Variants in ZNF727 observed in about 807,000 individuals in gnomAD.
ZNF727 encodes the protein putative zinc finger protein 727.
Under a neutral mutation model 11.5 loss-of-function variants are expected in ZNF727, and 11 were observed. The observed-to-expected ratio is 0.95, with a 90% CI of 0.60 to 1.58. The LOEUF is 1.58. Ranked by LOEUF, ZNF727 falls within the 40% of genes most tolerant of loss-of-function variation. The pLI is 0.00. For synonymous variants in ZNF727, 171 were observed against 196.1 expected, an observed-to-expected ratio of 0.87 and a Z score of 1.07; for missense variants, 533 against 581.7, an observed-to-expected ratio of 0.92 and a Z score of 0.86.
chr7:64,057,418 G>A (rs1341632317), intron 1 of ZNF727, among the ~76,000 whole-genome samples: 1 of 152,172 alleles, frequency 6.6e-6, no homozygotes, highest in Non-Finnish European at 1.5e-5. Context: ...GACATGGATG[G>A]AGCTGGAAGC....
Position 64,077,326 on chromosome 7 carries a change from G to T in ZNF727, c.277G>T (p.Asp93Tyr), listed in dbSNP as rs375815259. The T allele has an allele frequency of 7.7e-6, 12 of 1,549,866 alleles. No homozygotes were observed. The highest frequency in any genetic ancestry group is 9.6e-6 in the Non-Finnish European group (11 of 1,146,522). The change falls in exon 4 of 4, where the codon GAT becomes TAT. Residue 93 changes from aspartate to tyrosine, a missense_variant. By Grantham distance (160) the Asp-to-Tyr change is radical. Transcript: ENST00000456806. ...AEILLEHDIN[D>Y]SFQKVILRKS... ...GATATTGCTGGAGCACGACATAAAC[G>T]ATTCATTTCAAAAAGTGATCCTGAG...
Position 64,045,490 on chromosome 7 carries a change from A to C in ZNF727, c.-132A>C. On this transcript the variant is annotated 5_prime_UTR_variant, in exon 1 of 4. Transcript: ENST00000456806. ...CTAGCTTCTAGGCTCTGAGTCCAGT[A>C]CCCGTCTGTACTATTCCATCTCTTC... is the stretch of plus-strand genomic sequence containing the variant. 6 of 1,252,504 alleles carry C rather than the reference A, an allele frequency of 4.8e-6. No homozygotes were observed. Among genetic ancestry groups the C allele is most frequent in the Non-Finnish European group, 6.9e-6 (6 of 875,702 alleles). The allele number at this position is 1,252,504 out of a possible 1,614,324, so 77.6% of individuals were successfully genotyped here. A position where few individuals can be genotyped will look rare whatever the true frequency, so the allele number is the denominator to read the frequency against.
At chr7:64,051,927 T>C (rs561376891) in intron 1 of ZNF727, among the ~76,000 whole-genome samples, 1 of 152,330 alleles carries the variant, frequency 6.6e-6, no homozygotes, top group East Asian at 1.9e-4. Context: ...ATTTTTGTCA[T>C]TGCATTTTGG....
At chr7:64,059,842 G>A (rs562856182) in intron 1 of ZNF727, among the ~76,000 whole-genome samples, 1 of 152,274 alleles carries the variant, frequency 6.6e-6, no homozygotes, top group East Asian at 1.9e-4. Context: ...ATTTTTATAT[G>A]TAAATTTGTT....
intron 1 of ZNF727, among the ~76,000 whole-genome samples, chr7:64,057,622 G>T (rs1303364342): frequency 6.6e-6 from 1 of 152,032 alleles, no homozygotes; most frequent in South Asian, 2.1e-4. Flanking sequence ...GTGATGGGTT[G>T]ATCTATGCAG....
Position 64,078,889 on chromosome 7 carries a change from T to C in ZNF727, c.*340T>C, listed in dbSNP as rs1291072964. On this transcript the variant is annotated 3_prime_UTR_variant, in exon 4 of 4. Transcript: ENST00000456806. ...TTGCTAAACATAAGATAATTCATAT[T>C]GGAGAGAAACCCTACAAATGTAATG... Among the ~76,000 whole-genome samples the C allele has an allele frequency of 1.3e-5, 2 of 152,082 alleles. No individual in the cohort carries two copies. Among genetic ancestry groups the C allele is most frequent in the African/African-American group, 4.8e-5 (2 of 41,408 alleles).
chr7:64,077,544 A>G lies in ZNF727; in HGVS notation c.495A>G (p.Lys165=), dbSNP rs779990998. The part of the protein sequence containing the change: ...GLCSIFTEHK[K]IFSREKCYKC... ...GCTCAATCTTCACTGAACATAAGAA[A>G]ATTTTTAGCAGAGAGAAATGCTACA... Residue 165 remains lysine (K), a synonymous_variant, in exon 4 of 4, where the codon AAA becomes AAG. Coordinates refer to ENST00000456806, the MANE Select transcript of ZNF727 (RefSeq NM_001159522.3). 3.9e-6 allele frequency: 6 copies of G among 1,551,266 alleles called. No individual in the cohort carries two copies. In the Admixed American group the frequency reaches 5.9e-5, roughly 15 times the overall value.
Position 64,077,852 on chromosome 7 carries a change from G to A in ZNF727, c.803G>A (p.Cys268Tyr), listed in dbSNP as rs774193383. 1.3e-6 allele frequency: 2 copies of A among 1,565,234 alleles called. No individual in the cohort carries two copies. The highest frequency in any genetic ancestry group is 1.7e-6 in the Non-Finnish European group (2 of 1,154,740). Reference sequence around the variant, plus strand: ...GAATGTCACAAAGCCTTTAGGTGTTGCTCAGACCTTACTAAACATAAGAGA... The same window carrying A: ...GAATGTCACAAAGCCTTTAGGTGTTACTCAGACCTTACTAAACATAAGAGA... ...CEECHKAFRC[C>Y]SDLTKHKRIH... Residue 268 changes from cysteine (C) to tyrosine (Y), a missense_variant, in exon 4 of 4, where the codon TGC becomes TAC. This residue lies in a region of ZNF727 where 463 missense variants were observed against 494.5 expected (regional missense o/e 0.94). Transcript: ENST00000456806.
intron 1 of ZNF727, among the ~76,000 whole-genome samples, chr7:64,055,416 CA>C (rs33991395): frequency 2.3e-4 from 34 of 147,480 alleles, no homozygotes; most frequent in Non-Finnish European, 1.5e-4. Flanking sequence ...GACTTCATCT[CA>C]AAAAAAAAAA....
rs1403220696 is a variant in ZNF727, at chr7:64,080,114, T to C, written c.*1565T>C. On this transcript the variant is annotated 3_prime_UTR_variant, in exon 4 of 4. Transcript: ENST00000456806. ...TTTCTCTCATTTTGACCTTGGAGAATCTCATGATTATGTATCTTGGGGATG... is the reference window on the plus strand; with the variant it reads ...TTTCTCTCATTTTGACCTTGGAGAACCTCATGATTATGTATCTTGGGGATG... 1.3e-5 allele frequency among the ~76,000 whole-genome samples: 2 copies of C among 152,136 alleles called. No individual in the cohort carries two copies. Among genetic ancestry groups the C allele is most frequent in the Non-Finnish European group, 2.9e-5 (2 of 68,030 alleles).
chr7:64,061,199 G>A (rs1227028176), intron 1 of ZNF727, among the ~76,000 whole-genome samples: 1 of 152,094 alleles, frequency 6.6e-6, no homozygotes, highest in Non-Finnish European at 1.5e-5. Flanking sequence ...TTGGTCCATA[G>A]TGCAGATTAA....
chr7:64,055,398 C>T (rs377141623), intron 1 of ZNF727, among the ~76,000 whole-genome samples: 23 of 141,648 alleles, frequency 1.6e-4, no homozygotes, highest in African/African-American at 5.4e-4. Flanking sequence ...AGCCTGGCAA[C>T]GGAGTGAGAC....
At position 64,078,800 on chromosome 7, in the gene ZNF727, C is replaced by A. The variant is rs1281288859; in HGVS notation, c.*251C>A. On this transcript the variant is annotated 3_prime_UTR_variant, in exon 4 of 4. Transcript: ENST00000456806. ...AGACCTGACTAATCAAAAGAGAATT[C>A]ACCCTGGAGAGAATCCCTACAAATC... is the stretch of plus-strand genomic sequence containing the variant. 6.6e-6 allele frequency among the ~76,000 whole-genome samples: 1 copy of A among 152,052 alleles called. No homozygotes were observed. The highest frequency in any genetic ancestry group is 1.5e-5 in the Non-Finnish European group (1 of 67,986).
intron 1 of ZNF727, among the ~76,000 whole-genome samples, chr7:64,057,188 G>A (rs1789698017): frequency 6.6e-6 from 1 of 151,860 alleles, no homozygotes; most frequent in African/African-American, 2.4e-5. Context: ...CATTTCAATA[G>A]GTTCAGTGCT....
intron 3 of ZNF727, among the ~76,000 whole-genome samples, chr7:64,076,394 C>G (rs1402864882): frequency 6.6e-6 from 1 of 152,090 alleles, no homozygotes; most frequent in Non-Finnish European, 1.5e-5. Context: ...GCGGATCACC[C>G]AAGGTCAGAA....
chr7:64,046,299 C>T (rs1481590163), intron 1 of ZNF727, among the ~76,000 whole-genome samples: 3 of 152,038 alleles, frequency 2.0e-5, no homozygotes, highest in East Asian at 3.9e-4. Flanking sequence ...CCTAAAGTGC[C>T]GGGATTACAT....
chr7:64,085,071 A>G lies in ZNF727; in HGVS notation c.*6522A>G, dbSNP rs375792588. Reference sequence around the variant, plus strand: ...TCTTGTTGTTCACCATAGGCATAATATATCATTTTCTTGTCATCTAATTTC... The same window carrying G: ...TCTTGTTGTTCACCATAGGCATAATGTATCATTTTCTTGTCATCTAATTTC... On this transcript the variant is annotated 3_prime_UTR_variant, in exon 4 of 4. Transcript: ENST00000456806. Among the ~76,000 whole-genome samples, 4 of 152,254 alleles carry G rather than the reference A, an allele frequency of 2.6e-5. No homozygotes were observed. In the East Asian group the frequency reaches 7.7e-4, roughly 29 times the overall value.
At chr7:64,051,903 G>C (rs1354462002) in intron 1 of ZNF727, among the ~76,000 whole-genome samples, 1 of 152,120 alleles carries the variant, frequency 6.6e-6, no homozygotes, top group Non-Finnish European at 1.5e-5. Flanking sequence ...ATTTAGAACT[G>C]TCAAAAGACC....
At chr7:64,049,957 A>C (rs1789565083) in intron 1 of ZNF727, among the ~76,000 whole-genome samples, 1 of 151,712 alleles carries the variant, frequency 6.6e-6, no homozygotes, top group Admixed American at 6.6e-5. Context: ...GTAAAATCTC[A>C]TGAAACATTA....
Sources: allele counts gnomAD v4.1 joint callset (sites outside exome capture counted in the v4.1 genomes callset), GRCh38; gene constraint gnomAD v4.1.1; regional missense constraint gnomAD v4.1.1; transcripts MANE v1.5; gene names NCBI Gene and HGNC (gene_info 2026-07-23, HGNC 2026-07-21).